Variants in CUX2 observed in about 807,000 individuals in gnomAD.
CUX2 encodes cut like homeobox 2.
In CUX2, 40 loss-of-function variants were observed where a neutral mutation model predicts 144.8. The ratio of observed to expected loss-of-function variants is 0.28; its 90% CI spans 0.21 to 0.36. The LOEUF (loss-of-function observed/expected upper bound fraction) is 0.36. CUX2 is among the 10% of genes least tolerant of loss of function. The probability of loss-of-function intolerance (pLI) is 1.00; values close to 1 mark genes in which losing one functional copy is unlikely to be tolerated. For missense variants in CUX2, 1,615 were observed against 1,994.0 expected (o/e 0.81, Z 3.62); for synonymous variants, 827 against 875.6 (o/e 0.94, Z 0.98).
chr12:111,248,076 T>G (rs1158764180), intron 3 of CUX2, among the ~76,000 whole-genome samples: 1 of 152,174 alleles, frequency 6.6e-6, no homozygotes, highest in East Asian at 1.9e-4. Flanking sequence ...TTTTTCCATA[T>G]TTTTAGTAGA....
At chr12:111,128,422 G>A (rs1474209932) in intron 1 of CUX2, among the ~76,000 whole-genome samples, 1 of 152,204 alleles carries the variant, frequency 6.6e-6, no homozygotes, top group African/African-American at 2.4e-5. Flanking sequence ...GGCCATAGGT[G>A]CAGGCTGGGA....
In CUX2 at chr12:111,310,506, T is replaced by C; in HGVS notation, c.1724T>C (p.Val575Ala). The C allele has an allele frequency of 6.2e-7, 1 of 1,613,750 alleles. No individual in the cohort carries two copies. The highest frequency in any genetic ancestry group is 8.5e-7 in the Non-Finnish European group (1 of 1,179,964). Residue 575 changes from valine to alanine, a missense_variant, in exon 15 of 22, where the codon GTG becomes GCG. By Grantham distance (64) the Val-to-Ala change is moderately conservative. Coordinates refer to ENST00000261726, the MANE Select transcript of CUX2 (RefSeq NM_015267.4). The surrounding 1 kb of genome is among the most constrained non-coding windows in gnomAD (Gnocchi z 7.9). ...CTGAAACACAACATCGGGCAGCGGG[T>C]GTTTGGGCATTACGTGCTGGGGCTG... ...QLLKHNIGQR[V>A]FGHYVLGLSQ...
chr12:111,207,338 A>T (rs1880975856), intron 1 of CUX2, among the ~76,000 whole-genome samples: 2 of 152,186 alleles, frequency 1.3e-5, no homozygotes. Flanking sequence ...CTTATACCCA[A>T]GCTTGTCTGG....
chr12:111,278,049 C>T (rs1001064900), intron 4 of CUX2, among the ~76,000 whole-genome samples: 7 of 152,182 alleles, frequency 4.6e-5, no homozygotes, highest in South Asian at 4.1e-4. Flanking sequence ...CAAAGCCAGC[C>T]GGGCAGCCTC....
chr12:111,169,206 AG>A (rs1254692658), intron 1 of CUX2, among the ~76,000 whole-genome samples: 1 of 152,174 alleles, frequency 6.6e-6, no homozygotes, highest in Non-Finnish European at 1.5e-5. Flanking sequence ...TGACAGAGGC[AG>A]GGATGGGAGC....
intron 1 of CUX2, among the ~76,000 whole-genome samples, chr12:111,124,789 C>T (rs1294657020): frequency 6.6e-6 from 1 of 152,170 alleles, no homozygotes; most frequent in East Asian, 1.9e-4. Flanking sequence ...CCTTGCTTCC[C>T]TCCTTCCCTT....
At chr12:111,159,974 G>A (rs546364425) in intron 1 of CUX2, among the ~76,000 whole-genome samples, 3 of 152,298 alleles carry the variant, frequency 2.0e-5, no homozygotes, top group Non-Finnish European at 1.5e-5. Flanking sequence ...TCAGTGAGCC[G>A]AGATTGTACC....
chr12:111,271,597 T>A (rs1884652798), intron 4 of CUX2, among the ~76,000 whole-genome samples: 1 of 152,202 alleles, frequency 6.6e-6, no homozygotes, highest in Non-Finnish European at 1.5e-5. Context: ...GAAGAAAATT[T>A]GGGAAGGAAA....
At chr12:111,331,975 G>A (rs1327352086) in intron 18 of CUX2, among the ~76,000 whole-genome samples, 1 of 151,810 alleles carries the variant, frequency 6.6e-6, no homozygotes, top group Non-Finnish European at 1.5e-5. Flanking sequence ...AGCTATGGGG[G>A]AGGCTGAGGC....
intron 20 of CUX2, among the ~76,000 whole-genome samples, chr12:111,339,105 A>C (rs1038439187): frequency 2.0e-5 from 3 of 151,458 alleles, no homozygotes; most frequent in Non-Finnish European, 2.9e-5. Flanking sequence ...GGTGGTGCAC[A>C]CCTGTAATCG....
Position 111,310,155 on chromosome 12 carries a change from GCCCCGGGCAGCC to G in CUX2, c.1376_1387del (p.Pro459_Pro462del). 1 of 1,547,232 alleles carries G rather than the reference GCCCCGGGCAGCC, an allele frequency of 6.5e-7. No individual in the cohort carries two copies. The highest frequency in any genetic ancestry group is 8.7e-7 in the Non-Finnish European group (1 of 1,148,214). On this transcript the variant is annotated inframe_deletion, in exon 15 of 22. Coordinates refer to ENST00000261726, the MANE Select transcript of CUX2 (RefSeq NM_015267.4). The surrounding 1 kb of genome is among the most constrained non-coding windows in gnomAD (Gnocchi z 7.9). ...GGGCCAGAAGACCCCCTGTCTCCCAGCCCCGGGCAGCCCCTGCTGGGCCCCAGCTTGGGGCCT... is the reference window on the plus strand; with the variant it reads ...GGGCCAGAAGACCCCCTGTCTCCCAGCCTGCTGGGCCCCAGCTTGGGGCCT...
rs946159281 is a variant in CUX2 at position 111,187,941 on chromosome 12, G to A, written c.64-26259G>A. On this transcript the variant is annotated intron_variant, in intron 1 of 21. Transcript: ENST00000261726. ...AGGCACCCTGCACCCCAGAGCCATC[G>A]ATCACAGGCTTGCACTGAGTCACTC... Among the ~76,000 whole-genome samples the A allele has an allele frequency of 5.3e-4, 81 of 152,252 alleles. 2 individuals are homozygous for A. The highest frequency in any genetic ancestry group is 8.8e-5 in the Non-Finnish European group (6 of 68,040).
At chr12:111,117,049 A>T (rs1298374273) in intron 1 of CUX2, among the ~76,000 whole-genome samples, 1 of 152,198 alleles carries the variant, frequency 6.6e-6, no homozygotes. Flanking sequence ...TATTAATTGA[A>T]GTTTTCCTCT....
intron 1 of CUX2, among the ~76,000 whole-genome samples, chr12:111,169,835 CACAG>C (rs1479779784): frequency 6.6e-6 from 1 of 152,094 alleles, no homozygotes; most frequent in Admixed American, 6.5e-5. Flanking sequence ...GTCGATTACA[CACAG>C]AGACGTGGTT....
intron 3 of CUX2, among the ~76,000 whole-genome samples, chr12:111,237,896 T>C (rs1882837271): frequency 6.6e-6 from 1 of 152,246 alleles, no homozygotes; most frequent in African/African-American, 2.4e-5. Context: ...ATGGACACTT[T>C]GGACTGGATG....
intron 18 of CUX2, among the ~76,000 whole-genome samples, chr12:111,328,696 T>A (rs1651776333): frequency 6.6e-6 from 1 of 150,980 alleles, no homozygotes; most frequent in Admixed American, 6.6e-5. Context: ...GGCTCCTGGG[T>A]TCAAGCAATT....
Position 111,349,962 on chromosome 12 carries a change from C to T in CUX2, c.*1637C>T, listed in dbSNP as rs1358700195. 1.3e-5 allele frequency: 2 copies of T among 152,488 alleles called. No homozygotes were observed. The highest frequency in any genetic ancestry group is 1.3e-4 in the Admixed American group (2 of 15,256). 9.4% of individuals were successfully genotyped at this position (152,488 alleles called of 1,614,324 possible). ...CAGAAGGGGACAGATAAGGACCGTT[C>T]CAGAAATCCCAACTCTCACACCCAG... On this transcript the variant is annotated 3_prime_UTR_variant, in exon 22 of 22. Transcript: ENST00000261726.
chr12:111,290,862 C>T (rs1885636524), intron 4 of CUX2, among the ~76,000 whole-genome samples: 1 of 143,178 alleles, frequency 7.0e-6, no homozygotes. Context: ...CTGCACTCAG[C>T]CAACCTTTTT....
chr12:111,346,904 C>G (rs1387252014), intron 21 of CUX2, among the ~76,000 whole-genome samples: 1 of 152,060 alleles, frequency 6.6e-6, no homozygotes, highest in East Asian at 1.9e-4. Context: ...CCCAGCTATT[C>G]AGGAGGCTGA....
Sources: allele counts gnomAD v4.1 joint callset (sites outside exome capture counted in the v4.1 genomes callset), GRCh38; gene constraint gnomAD v4.1.1; non-coding constraint Gnocchi (gnomAD v3.1); transcripts MANE v1.5; gene names NCBI Gene and HGNC (gene_info 2026-07-23, HGNC 2026-07-21).